Variants in CFAP44 observed in about 807,000 individuals in gnomAD.
CFAP44 encodes the protein cilia- and flagella-associated protein 44.
CFAP44 carries 134 observed loss-of-function variants against 216.2 expected under a neutral mutation model. The ratio of observed to expected loss-of-function variants is 0.62; its 90% confidence interval spans 0.54 to 0.72. The LOEUF is 0.72. CFAP44 is among the 30% of genes least tolerant of loss of function. The pLI, the probability that CFAP44 is intolerant of heterozygous loss-of-function variation, is 0.00. For missense variants in CFAP44, 2,035 were observed against 2,182.1 expected (o/e 0.93, Z 1.34); for synonymous variants, 700 against 727.6 (o/e 0.96, Z 0.61).
At chr3:113,309,700 T>C (rs753019207) in intron 28 of CFAP44, among the ~76,000 whole-genome samples, 4 of 152,032 alleles carry the variant, frequency 2.6e-5, no homozygotes, top group Non-Finnish European at 4.4e-5. Context: ...AAACATTATA[T>C]GCAAAACAAA....
At chr3:113,378,108 T>C (rs921601380) in intron 17 of CFAP44, among the ~76,000 whole-genome samples, 1 of 152,188 alleles carries the variant, frequency 6.6e-6, no homozygotes, top group African/African-American at 2.4e-5. Flanking sequence ...ACTCTTGGGC[T>C]CAAGCAATCT....
chr3:113,310,074 G>T (rs184538361), intron 28 of CFAP44, among the ~76,000 whole-genome samples: 1 of 152,146 alleles, frequency 6.6e-6, no homozygotes, highest in Non-Finnish European at 1.5e-5. Flanking sequence ...GGGCTGTAAC[G>T]AGGTGTCCCA....
At chr3:113,395,219 C>A (rs1933956821) in intron 15 of CFAP44, among the ~76,000 whole-genome samples, 1 of 152,046 alleles carries the variant, frequency 6.6e-6, no homozygotes, top group South Asian at 2.1e-4. Flanking sequence ...CTCATATGCT[C>A]ACATTTAGTA....
intron 28 of CFAP44, among the ~76,000 whole-genome samples, chr3:113,312,675 C>T (rs908223343): frequency 5.9e-5 from 9 of 152,130 alleles, no homozygotes; most frequent in Non-Finnish European, 1.2e-4. Flanking sequence ...CCAGGGTCCC[C>T]GTGCTGTGTG....
chr3:113,327,513 T>C (rs868135282), intron 27 of CFAP44, 103 bp downstream of exon 27: 6 of 1,023,724 alleles, frequency 5.9e-6, no homozygotes, highest in Middle Eastern at 2.1e-4. Context: ...AAGAAAGAGA[T>C]AAGGGCTAGA....
At chr3:113,395,601 C>T (rs1409565125) in intron 15 of CFAP44, 149 bp downstream of exon 15, 1 of 597,958 alleles carries the variant, frequency 1.7e-6, no homozygotes, top group East Asian at 3.1e-5. Flanking sequence ...CCAGCAGCAG[C>T]CACCTGAGCT....
At chr3:113,317,263 A>C (rs963847559) in intron 28 of CFAP44, among the ~76,000 whole-genome samples, 12 of 152,320 alleles carry the variant, frequency 7.9e-5, no homozygotes, top group Non-Finnish European at 1.6e-4. Context: ...TTCAGATGAC[A>C]TGGATCCCGA....
At chr3:113,334,078 A>G (rs1420123516) in intron 24 of CFAP44, among the ~76,000 whole-genome samples, 1 of 152,002 alleles carries the variant, frequency 6.6e-6, no homozygotes, top group Non-Finnish European at 1.5e-5. Flanking sequence ...CAGCCTCCCA[A>G]GCAGCTGGGA....
intron 28 of CFAP44, 101 bp downstream of exon 28, chr3:113,326,344 T>A: frequency 9.0e-7 from 1 of 1,116,480 alleles, no homozygotes; most frequent in Non-Finnish European, 1.2e-6. Flanking sequence ...ATTGTCCATG[T>A]TATAGTGAAA....
At chr3:113,318,464 C>T (rs1009598006) in intron 28 of CFAP44, among the ~76,000 whole-genome samples, 4 of 152,050 alleles carry the variant, frequency 2.6e-5, no homozygotes, top group African/African-American at 7.2e-5. Context: ...ATTGGTACTC[C>T]TGAGAAAGAA....
chr3:113,413,255 A>C (rs1182092051), intron 6 of CFAP44, among the ~76,000 whole-genome samples: 1 of 151,812 alleles, frequency 6.6e-6, no homozygotes, highest in Non-Finnish European at 1.5e-5. Context: ...GTTCCTTGTA[A>C]ATTCTGGATA....
intron 8 of CFAP44, 25 bp downstream of exon 8, chr3:113,406,902 A>G: frequency 6.5e-7 from 1 of 1,549,538 alleles, no homozygotes; most frequent in Non-Finnish European, 8.9e-7. Flanking sequence ...CAATTTTAAT[A>G]TTGTAGAATA....
chr3:113,399,630 G>A (rs1934088014), intron 13 of CFAP44, among the ~76,000 whole-genome samples: 2 of 152,074 alleles, frequency 1.3e-5, no homozygotes, highest in East Asian at 1.9e-4. Flanking sequence ...CAGATGGATC[G>A]AGGCTAGATA....
chr3:113,379,187 T>TA lies in CFAP44; in HGVS notation c.2298+118dup, dbSNP rs201331393. 2,488 of 786,754 alleles carry TA rather than the reference T, an allele frequency of 3.2e-3. 8 individuals are homozygous for TA. The highest frequency in any genetic ancestry group is 6.0e-3 in the Middle Eastern group (14 of 2,326). The allele number at this position is 786,754 out of a possible 1,614,324, so 48.7% of individuals were successfully genotyped here. A position where few individuals can be genotyped will look rare whatever the true frequency, so the allele number is the denominator to read the frequency against. On this transcript the variant is annotated intron_variant, in intron 17 of 34. Transcript: ENST00000393845. The stretch of plus-strand genomic sequence containing the variant: ...TCAATAGTATTTAATAAATGAAATC[T>TA]AAAAAAAAATAAATAGATAAATGAA...
chr3:113,355,451 C>G (rs1378317186), intron 22 of CFAP44, among the ~76,000 whole-genome samples: 1 of 152,084 alleles, frequency 6.6e-6, no homozygotes, highest in East Asian at 1.9e-4. Context: ...ACCCAAGAGG[C>G]AGAGGTTGCA....
chr3:113,330,596 C>T lies in CFAP44; in HGVS notation c.3688G>A (p.Glu1230Lys). ...AGTTCTTGTACCAGGCACTGTATTT[C>T]CTCAACAACAGCCACTTTAAGGTCT... ...LRDLKVAVVEEIQCLVQELKN... is the reference protein window; with the variant it reads ...LRDLKVAVVEKIQCLVQELKN... The change falls in exon 26 of 35, where the codon GAA becomes AAA. Residue 1230 changes from glutamate to lysine, a missense_variant. Glu to Lys is a moderately conservative substitution (Grantham distance 56). Transcript: ENST00000393845. 1 of 1,537,126 alleles carries T rather than the reference C, an allele frequency of 6.5e-7. No homozygotes were observed. Among genetic ancestry groups the T allele is most frequent in the South Asian group, 1.2e-5 (1 of 84,048 alleles).
chr3:113,338,324 A>T (rs1174145523), intron 24 of CFAP44, among the ~76,000 whole-genome samples: 1 of 150,738 alleles, frequency 6.6e-6, no homozygotes, highest in Non-Finnish European at 1.5e-5. Context: ...CAAGCTACAG[A>T]CTAACAGAAA....
In CFAP44 at chr3:113,367,035, A is replaced by G. The variant is rs72944532; in HGVS notation, c.2445-726T>C. Among the ~76,000 whole-genome samples the G allele has an allele frequency of 4.7e-3, 714 of 152,346 alleles. 5 individuals are homozygous for G. Among genetic ancestry groups the G allele is most frequent in the African/African-American group, 0.016 (682 of 41,584 alleles). ...GGGTGTCTGCCATTACTGAGGCTTG[A>G]CTAAGTAAACAAAGCGGTTGGGAAG... On this transcript the variant is annotated intron_variant, in intron 18 of 34. Transcript: ENST00000393845.
At chr3:113,430,132 G>C (rs1935065831) in intron 2 of CFAP44, among the ~76,000 whole-genome samples, 2 of 151,808 alleles carry the variant, frequency 1.3e-5, no homozygotes, top group Non-Finnish European at 2.9e-5. Context: ...TATGTTCTCT[G>C]AAAACAACAG....
Sources: gnomAD v4.1 joint callset for allele counts (sites outside exome capture counted in the v4.1 genomes callset) on GRCh38, gnomAD v4.1.1 for gene constraint, MANE v1.5 for transcripts, NCBI Gene and HGNC (gene_info 2026-07-23, HGNC 2026-07-21) for gene names.